GLCCI1: variants seen among roughly 807,000 people sequenced by gnomAD.
The protein encoded by GLCCI1 is glucocorticoid induced 1, also known as glucocorticoid-induced transcript 1 protein.
A neutral mutation model predicts 52.2 loss-of-function variants in GLCCI1; 24 were observed. That is an observed-to-expected ratio of 0.46 (90% CI 0.33 to 0.65). The LOEUF (loss-of-function observed/expected upper bound fraction) is 0.65, where lower values mean the gene tolerates loss of function less well. Among genes scored for constraint, GLCCI1 ranks in the 30% least tolerant of loss-of-function variants. The pLI, the probability that GLCCI1 is intolerant of heterozygous loss-of-function variation, is 0.02. For synonymous variants in GLCCI1, 310 were observed against 276.5 expected (o/e 1.12, Z -1.20); for missense variants, 704 against 701.5 (o/e 1.00, Z -0.04).
intron 5 of GLCCI1, among the ~76,000 whole-genome samples, chr7:8,069,570 C>T (rs1001184298): frequency 2.0e-5 from 3 of 151,964 alleles, no homozygotes; most frequent in Non-Finnish European, 4.4e-5. Context: ...GGTGGGGTGC[C>T]GAGGGCTCAC....
At chr7:7,970,411 T>TCTCTCC (rs1266992353) in intron 1 of GLCCI1, 1 of 99,874 alleles carries the variant, frequency 1.0e-5, no homozygotes, top group Non-Finnish European at 1.9e-5. Context: ...CCCGCCTCTC[T>TCTCTCC]CTCTCCCTCT....
intron 6 of GLCCI1, among the ~76,000 whole-genome samples, chr7:8,077,852 G>A (rs192417650): frequency 5.3e-5 from 8 of 152,238 alleles, no homozygotes; most frequent in South Asian, 2.1e-4. Flanking sequence ...GAAAGGGCCC[G>A]GTGTGTACAG....
intron 1 of GLCCI1, among the ~76,000 whole-genome samples, chr7:7,987,004 G>A (rs944198156): frequency 2.0e-5 from 3 of 151,968 alleles, no homozygotes; most frequent in Non-Finnish European, 4.4e-5. Context: ...CACCTCTTAA[G>A]TCTTTTCCCA....
At chr7:8,035,628 G>A (rs1024154338) in intron 3 of GLCCI1, among the ~76,000 whole-genome samples, 1 of 152,196 alleles carries the variant, frequency 6.6e-6, no homozygotes, top group African/African-American at 2.4e-5. Context: ...GTATGTTTTA[G>A]GCTGAAGACA....
intron 2 of GLCCI1, among the ~76,000 whole-genome samples, chr7:8,009,491 G>A (rs757469949): frequency 2.0e-5 from 3 of 152,136 alleles, no homozygotes; most frequent in African/African-American, 7.2e-5. Context: ...CATAAATATT[G>A]GCATTCTCTC....
chr7:8,000,016 G>A (rs1042693381), intron 1 of GLCCI1, among the ~76,000 whole-genome samples: 6 of 152,138 alleles, frequency 3.9e-5, no homozygotes, highest in Non-Finnish European at 5.9e-5. Context: ...TACATACAGC[G>A]TTTCAAATTG....
At chr7:8,077,097 T>G (rs915920620) in intron 6 of GLCCI1, among the ~76,000 whole-genome samples, 4 of 152,140 alleles carry the variant, frequency 2.6e-5, no homozygotes, top group African/African-American at 9.7e-5. Flanking sequence ...GGAAAGGAAG[T>G]AACTGCTAAA....
At chr7:8,037,686 TAAAG>T (rs1254451790) in intron 3 of GLCCI1, among the ~76,000 whole-genome samples, 2 of 151,744 alleles carry the variant, frequency 1.3e-5, no homozygotes, top group Non-Finnish European at 2.9e-5. Flanking sequence ...AGACTCAAGG[TAAAG>T]GGGTGGAAAA....
intron 3 of GLCCI1, among the ~76,000 whole-genome samples, chr7:8,043,501 T>C (rs922052997): frequency 3.3e-5 from 5 of 152,172 alleles, no homozygotes; most frequent in Non-Finnish European, 5.9e-5. Context: ...TGATTATAGT[T>C]TTATCAAAAT....
chr7:8,040,015 A>C (rs990226701), intron 3 of GLCCI1, among the ~76,000 whole-genome samples: 6 of 148,316 alleles, frequency 4.0e-5, no homozygotes, highest in South Asian at 2.1e-4. Context: ...AAAAAAAAAG[A>C]AGAAGCCCAG....
In GLCCI1 at chr7:8,086,703, C is replaced by T. The variant is rs534445792; in HGVS notation, c.*165C>T. 3 of 624,336 alleles carry T rather than the reference C, an allele frequency of 4.8e-6. No individual in the cohort carries two copies. Among genetic ancestry groups the T allele is most frequent in the African/African-American group, 1.8e-5 (1 of 54,586 alleles). The allele number at this position is 624,336 out of a possible 1,614,324, so 38.7% of individuals were successfully genotyped here. A position where few individuals can be genotyped will look rare whatever the true frequency, so the allele number is the denominator to read the frequency against. On this transcript the variant is annotated 3_prime_UTR_variant, in exon 8 of 8. Transcript: ENST00000223145. This position sits in a 1 kb window ranked among gnomAD's most constrained non-coding sequence, Gnocchi z 4.4. ...TCTTGGCAGGGACGGAACTCCTATT[C>T]AGCAGTTTTTGTGGAAAGCAGTAAT...
At chr7:7,976,142 T>C (rs1410749150) in intron 1 of GLCCI1, among the ~76,000 whole-genome samples, 1 of 151,950 alleles carries the variant, frequency 6.6e-6, no homozygotes, top group Non-Finnish European at 1.5e-5. Context: ...AAGTCCACCA[T>C]CGTATACCTT....
rs1370498604 is a variant in GLCCI1 at position 8,005,777 on chromosome 7, A to G, written c.609+1718A>G. ...CTGACACTATCGAGAGGGAAACATT[A>G]TCTAGTTTTTTTTTTGTTTGTTTGT... On this transcript the variant is annotated intron_variant, in intron 2 of 7. Transcript: ENST00000223145. Among the ~76,000 whole-genome samples the G allele has an allele frequency of 2.0e-5, 3 of 151,560 alleles. No individual in the cohort carries two copies. The East Asian group carries it at 5.8e-4, about 29-fold the overall frequency.
chr7:8,012,635 C>T (rs987952155), intron 2 of GLCCI1, among the ~76,000 whole-genome samples: 12 of 151,196 alleles, frequency 7.9e-5, no homozygotes, highest in East Asian at 5.8e-4. Context: ...TTAGTAGAGA[C>T]GGGGTTTCAC....
chr7:7,977,737 T>C (rs1780524810), intron 1 of GLCCI1, among the ~76,000 whole-genome samples: 1 of 152,240 alleles, frequency 6.6e-6, no homozygotes, highest in Admixed American at 6.5e-5. Flanking sequence ...AAAATTTTTA[T>C]TTATTGAGCC....
At chr7:8,033,768 A>T (rs559960547) in intron 3 of GLCCI1, among the ~76,000 whole-genome samples, 52 of 152,284 alleles carry the variant, frequency 3.4e-4, no homozygotes, top group African/African-American at 1.2e-3. Flanking sequence ...AAATGGAAAG[A>T]CTTAACTTGT....
intron 1 of GLCCI1, among the ~76,000 whole-genome samples, chr7:7,993,658 C>T (rs1780888262): frequency 6.6e-6 from 1 of 152,122 alleles, no homozygotes; most frequent in South Asian, 2.1e-4. Flanking sequence ...GATGCTGATA[C>T]CACTATGGCC....
chr7:7,995,751 T>C (rs1419138010), intron 1 of GLCCI1, among the ~76,000 whole-genome samples: 1 of 151,822 alleles, frequency 6.6e-6, no homozygotes, highest in Non-Finnish European at 1.5e-5. Context: ...GGGCCTGTCG[T>C]GGGGTGGGGA....
rs11489423 is a variant in GLCCI1, at chr7:7,986,996, C to T, written c.458-16912C>T. Among the ~76,000 whole-genome samples the T allele has an allele frequency of 5.4e-3, 825 of 152,238 alleles. 6 individuals are homozygous for T. The highest frequency in any genetic ancestry group is 7.2e-3 in the Non-Finnish European group (487 of 68,024). On this transcript the variant is annotated intron_variant, in intron 1 of 7. Coordinates refer to ENST00000223145, the MANE Select transcript of GLCCI1 (RefSeq NM_138426.4). ...CTTGCTTGGACTTTTGGAATTGTCA[C>T]CTCTTAAGTCTTTTCCCATGCCAGT...
Sources: allele counts gnomAD v4.1 joint callset (sites outside exome capture counted in the v4.1 genomes callset), GRCh38; gene constraint gnomAD v4.1.1; non-coding constraint Gnocchi (gnomAD v3.1); transcripts MANE v1.5; gene names NCBI Gene and HGNC (gene_info 2026-07-23, HGNC 2026-07-21).